WNK2: variants seen among roughly 807,000 people sequenced by gnomAD.
WNK2 encodes the protein WNK lysine deficient protein kinase 2.
WNK2 carries 67 observed loss-of-function variants against 192.1 expected under a neutral mutation model. The observed-to-expected ratio is 0.35, with a 90% CI of 0.29 to 0.43. The LOEUF is 0.43. Ranked by LOEUF, WNK2 falls within the 20% of genes least tolerant of loss-of-function variation. The probability of loss-of-function intolerance (pLI) is 1.00; values close to 1 mark genes in which losing one functional copy is unlikely to be tolerated. For synonymous variants in WNK2, 1,439 were observed against 1,393.9 expected, an observed-to-expected ratio of 1.03 and a Z score of -0.72; for missense variants, 2,698 against 3,089.7, an observed-to-expected ratio of 0.87 and a Z score of 3.01.
intron 9 of WNK2, among the ~76,000 whole-genome samples, chr9:93,253,322 T>C (rs1391179101): frequency 6.6e-6 from 1 of 151,476 alleles, no homozygotes; most frequent in Admixed American, 6.6e-5. Context: ...AGCCCTGACA[T>C]TCCTGTAAAG....
At chr9:93,286,039 T>C (rs1228810364) in intron 19 of WNK2, among the ~76,000 whole-genome samples, 2 of 152,090 alleles carry the variant, frequency 1.3e-5, no homozygotes, top group Non-Finnish European at 2.9e-5. Context: ...TGAATCTCAA[T>C]GTAAAAGGGA....
chr9:93,319,190 A>G lies in WNK2; in HGVS notation c.6629-1177A>G, dbSNP rs751331371. ...GATTGTATATCTGAAGGAGAAAAAT[A>G]AACACTTTTGCTCGAAAACAGTGTG... On this transcript the variant is annotated intron_variant, in intron 29 of 29. Coordinates refer to ENST00000427277, the MANE Select transcript of WNK2 (RefSeq NM_006648.4). 3.7e-6 allele frequency: 6 copies of G among 1,613,464 alleles called. No homozygotes were observed. The Admixed American group carries it at 6.7e-5, about 18-fold the overall frequency.
At chr9:93,219,702 G>A (rs1419662548) in intron 2 of WNK2, among the ~76,000 whole-genome samples, 1 of 152,218 alleles carries the variant, frequency 6.6e-6, no homozygotes, top group Non-Finnish European at 1.5e-5. Context: ...GGGCTCCTTT[G>A]CTTTTATGGA....
intron 16 of WNK2, among the ~76,000 whole-genome samples, chr9:93,266,538 C>A (rs183113681): frequency 1.1e-4 from 16 of 152,322 alleles, no homozygotes; most frequent in Admixed American, 9.1e-4. Context: ...TGGAACGTTG[C>A]TTAAATTCTC....
chr9:93,266,811 G>T (rs1845240449), intron 16 of WNK2, among the ~76,000 whole-genome samples: 1 of 152,128 alleles, frequency 6.6e-6, no homozygotes, highest in Non-Finnish European at 1.5e-5. Context: ...ATCCTAGAAG[G>T]GATCTGAGAC....
At chr9:93,284,919 TTTC>T (rs1246948995) in intron 19 of WNK2, among the ~76,000 whole-genome samples, 17 of 152,356 alleles carry the variant, frequency 1.1e-4, no homozygotes, top group African/African-American at 3.8e-4. Context: ...GGTTGGTGTT[TTTC>T]TATTATCTAC....
chr9:93,318,045 G>A (rs765567529), intron 29 of WNK2: 27 of 1,612,142 alleles, frequency 1.7e-5, no homozygotes, highest in East Asian at 1.1e-4. Flanking sequence ...TGGTCCACGC[G>A]CCGTCTCCAC....
At chr9:93,271,587 A>G (rs1846013124) in intron 19 of WNK2, among the ~76,000 whole-genome samples, 1 of 152,248 alleles carries the variant, frequency 6.6e-6, no homozygotes, top group Admixed American at 6.5e-5. Context: ...AATTTTTAAC[A>G]TTGAAAGTTA....
intron 19 of WNK2, among the ~76,000 whole-genome samples, chr9:93,282,779 A>G (rs1847925237): frequency 6.6e-6 from 1 of 152,262 alleles, no homozygotes; most frequent in Non-Finnish European, 1.5e-5. Flanking sequence ...CAGTAGGGAT[A>G]GAGAAAATTT....
rs1588247385 is a variant in WNK2 at position 93,259,478 on chromosome 9, A to C, written c.2930A>C (p.Gln977Pro). 5.1e-6 allele frequency: 5 copies of C among 981,176 alleles called. No homozygotes were observed. The highest frequency in any genetic ancestry group is 3.7e-5 in the African/African-American group (1 of 27,356). 60.8% of individuals were successfully genotyped at this position (981,176 alleles called of 1,614,324 possible). A position where few individuals can be genotyped will look rare whatever the true frequency, so the allele number is the denominator to read the frequency against. Residue 977 changes from glutamine (Q) to proline (P), a missense_variant, in exon 12 of 30, where the codon CAA becomes CCA. Gln to Pro is a moderately conservative substitution (Grantham distance 76). Coordinates refer to ENST00000427277, the MANE Select transcript of WNK2 (RefSeq NM_006648.4). The surrounding 1 kb of genome is among the most constrained non-coding windows in gnomAD (Gnocchi z 4.8). ...VLPPQPTRPP[Q>P]PVLPPQPMLP... is the part of the protein sequence containing the mutation. Reference sequence around the variant, plus strand: ...CCCCCGCAACCCACACGGCCCCCTCAACCTGTGCTGCCCCCGCAACCCATG... The same window carrying C: ...CCCCCGCAACCCACACGGCCCCCTCCACCTGTGCTGCCCCCGCAACCCATG...
chr9:93,299,029 G>A (rs568160176), intron 24 of WNK2, 41 bp from the exon 25 acceptor site: 24 of 1,580,894 alleles, frequency 1.5e-5, no homozygotes, highest in South Asian at 1.0e-4. Context: ...CCGACCCGGC[G>A]GCGCCTCATC....
At position 93,293,158 on chromosome 9, in the gene WNK2, A is replaced by G; in HGVS notation, c.5693A>G (p.Gln1898Arg). ...LEDADIKKEL[Q>R]SLREKHLKEI... is the part of the protein sequence containing the mutation. Reference sequence around the variant, plus strand: ...GATGCTGACATAAAGAAGGAGCTGCAGAGTCTGCGGGAGAAGTAGGTCCTG... The same window carrying G: ...GATGCTGACATAAAGAAGGAGCTGCGGAGTCTGCGGGAGAAGTAGGTCCTG... The change falls in exon 23 of 30, where the codon CAG (glutamine) becomes CGG (arginine). Residue 1898 changes from glutamine (Q) to arginine (R), a missense_variant. Coordinates refer to ENST00000427277, the MANE Select transcript of WNK2 (RefSeq NM_006648.4). 6.5e-7 allele frequency: 1 copy of G among 1,530,962 alleles called. No homozygotes were observed. Among genetic ancestry groups the G allele is most frequent in the South Asian group, 1.3e-5 (1 of 79,060 alleles). 94.8% of individuals were successfully genotyped at this position (1,530,962 alleles called of 1,614,324 possible).
chr9:93,185,460 GGAC>G lies in WNK2; in HGVS notation c.537_539del (p.Asp179del), dbSNP rs576685975. 313 of 1,612,626 alleles carry G rather than the reference GGAC, an allele frequency of 1.9e-4. 1 individual carries two copies. In the African/African-American group the frequency reaches 2.1e-3, roughly 11 times the overall value. On this transcript the variant is annotated inframe_deletion, in exon 2 of 30. Coordinates refer to ENST00000427277, the MANE Select transcript of WNK2 (RefSeq NM_006648.4). ...GCCGGGACGAGCCCGAAGAGGAGGAGGACGACGAGGACGACCTCAAGGCCGTGG... is the reference window on the plus strand; with the variant it reads ...GCCGGGACGAGCCCGAAGAGGAGGAGGACGAGGACGACCTCAAGGCCGTGG...
rs537041839 is a variant in WNK2, at chr9:93,264,293, G to C, written c.3696+260G>C. ...CTCCCTGAGGGCTTCTGGAGCATCT[G>C]AGCCCTTCCTCCAAATAAAAGGAAG... On this transcript the variant is annotated intron_variant, in intron 16 of 29. Transcript: ENST00000427277. 2.0e-5 allele frequency among the ~76,000 whole-genome samples: 3 copies of C among 152,294 alleles called. No individual in the cohort carries two copies. In the East Asian group the frequency reaches 5.8e-4, roughly 29 times the overall value.
intron 5 of WNK2, among the ~76,000 whole-genome samples, chr9:93,235,666 G>A (rs1277965862): frequency 6.6e-6 from 1 of 152,242 alleles, no homozygotes; most frequent in Non-Finnish European, 1.5e-5. Flanking sequence ...CCGTCTTGTT[G>A]TGAAGCCCAG....
At position 93,288,733 on chromosome 9, in the gene WNK2, A is replaced by G. The variant is rs2133793855; in HGVS notation, c.4034-55A>G. On this transcript the variant is annotated intron_variant, in intron 19 of 29. Coordinates refer to ENST00000427277, the MANE Select transcript of WNK2 (RefSeq NM_006648.4). ...GCATCTTTTTAGCCAAGGAAGAAAC[A>G]GGTAGATAGGACTGGAGTACCCTGG... The G allele has an allele frequency of 4.0e-6, 6 of 1,491,506 alleles. No homozygotes were observed. In the South Asian group the frequency reaches 8.0e-5, roughly 20 times the overall value. 92.4% of individuals were successfully genotyped at this position (1,491,506 alleles called of 1,614,324 possible).
intron 2 of WNK2, among the ~76,000 whole-genome samples, chr9:93,227,014 C>T (rs920447627): frequency 2.6e-5 from 4 of 152,116 alleles, no homozygotes; most frequent in Admixed American, 2.0e-4. Flanking sequence ...GGTGTGAACC[C>T]TGCCAAGCCC....
chr9:93,252,869 T>C lies in WNK2; in HGVS notation c.1835-14T>C. On this transcript the variant is annotated splice_polypyrimidine_tract_variant and intron_variant, in intron 8 of 29. Coordinates refer to ENST00000427277, the MANE Select transcript of WNK2 (RefSeq NM_006648.4). ...GGAGATGTCCACTCTAAGTCCTGCT[T>C]TTGTCCTCCCCAGCGGACAGCACCT... is the stretch of plus-strand genomic sequence containing the variant. 7.0e-7 allele frequency: 1 copy of C among 1,426,978 alleles called. No homozygotes were observed. The highest frequency in any genetic ancestry group is 9.2e-7 in the Non-Finnish European group (1 of 1,081,240). 88.4% of individuals were successfully genotyped at this position (1,426,978 alleles called of 1,614,324 possible).
chr9:93,225,914 A>ATGTTGTGTTGTGTTGTGTTG (rs35020803), intron 2 of WNK2, among the ~76,000 whole-genome samples: 38 of 150,970 alleles, frequency 2.5e-4, no homozygotes, highest in East Asian at 9.8e-4. Context: ...CTGTTGTGTT[A>ATGTTGTGTTGTGTTGTGTTG]TGTTGTGTTG....
Sources: gnomAD v4.1 joint callset for allele counts (sites outside exome capture counted in the v4.1 genomes callset) on GRCh38, gnomAD v4.1.1 for gene constraint, Gnocchi (gnomAD v3.1) non-coding constraint, MANE v1.5 for transcripts, NCBI Gene and HGNC (gene_info 2026-07-23, HGNC 2026-07-21) for gene names.